The following ARHGEF3 variants were observed in gnomAD, a reference collection of about 807,000 sequenced individuals.
The protein encoded by ARHGEF3 is 59.8 kDA protein.
A neutral mutation model predicts 63.2 loss-of-function variants in ARHGEF3; 28 were observed. That is an observed-to-expected ratio of 0.44 (90% CI 0.33 to 0.61). ARHGEF3 has a LOEUF of 0.61. Ranked by LOEUF, ARHGEF3 falls within the 20% of genes least tolerant of loss-of-function variation. ARHGEF3 has a pLI of 0.03. For synonymous variants in ARHGEF3, 266 were observed against 254.2 expected (o/e 1.05, Z -0.44); for missense variants, 533 against 659.3 (o/e 0.81, Z 2.10).
intron 4 of ARHGEF3, among the ~76,000 whole-genome samples, chr3:56,829,602 CACAG>C (rs983141401): frequency 6.6e-6 from 1 of 152,204 alleles, no homozygotes; most frequent in Non-Finnish European, 1.5e-5. Context: ...TGCCAACCCC[CACAG>C]ACAGAGCTAT....
intron 4 of ARHGEF3, among the ~76,000 whole-genome samples, chr3:56,817,557 C>G (rs1451258065): frequency 1.3e-5 from 2 of 152,162 alleles, no homozygotes; most frequent in South Asian, 4.1e-4. Flanking sequence ...GAAGTTCACA[C>G]CTGAGTGCTG....
chr3:56,773,302 A>G lies in ARHGEF3; in HGVS notation c.204+407T>C, dbSNP rs9818044. Among the ~76,000 whole-genome samples, 1,374 of 152,288 alleles carry G rather than the reference A, an allele frequency of 9.0e-3. 16 individuals carry two copies. The highest frequency in any genetic ancestry group is 0.032 in the African/African-American group (1,320 of 41,542). Reference sequence around the variant, plus strand: ...TCAGGCTTAGCTTGTGAGCCATAAAAAAACAGGTGGTGAACTGGATTTTCT... The same window carrying G: ...TCAGGCTTAGCTTGTGAGCCATAAAGAAACAGGTGGTGAACTGGATTTTCT... On this transcript the variant is annotated intron_variant, in intron 2 of 9. Transcript: ENST00000296315.
intron 1 of ARHGEF3, among the ~76,000 whole-genome samples, chr3:57,045,215 T>G (rs1704399123): frequency 6.6e-6 from 1 of 152,200 alleles, no homozygotes; most frequent in African/African-American, 2.4e-5. Flanking sequence ...TAAAGTGGGC[T>G]GAGATCGCAC....
intron 1 of ARHGEF3, among the ~76,000 whole-genome samples, chr3:56,791,277 G>A (rs1160270367): frequency 1.3e-5 from 2 of 151,992 alleles, no homozygotes; most frequent in African/African-American, 2.4e-5. Flanking sequence ...GCCAGGCATG[G>A]TGGCACACGC....
At chr3:57,063,859 C>T (rs1258990271) in intron 1 of ARHGEF3, among the ~76,000 whole-genome samples, 1 of 152,228 alleles carries the variant, frequency 6.6e-6, no homozygotes, top group Non-Finnish European at 1.5e-5. Flanking sequence ...AATGGGATAG[C>T]AGCATCATTC....
chr3:56,822,511 T>C (rs115602049), intron 4 of ARHGEF3, among the ~76,000 whole-genome samples: 3,307 of 152,284 alleles, frequency 0.022, 42 homozygotes, highest in Non-Finnish European at 0.03. Flanking sequence ...TATATGTATA[T>C]ATATATGTGA....
At chr3:56,859,543 T>A (rs544060436) in intron 4 of ARHGEF3, among the ~76,000 whole-genome samples, 1 of 151,704 alleles carries the variant, frequency 6.6e-6, no homozygotes, top group African/African-American at 2.4e-5. Flanking sequence ...ACCTTTTTTT[T>A]TTTTGAGACA....
intron 2 of ARHGEF3, among the ~76,000 whole-genome samples, chr3:57,019,257 G>T (rs750443428): frequency 6.6e-6 from 1 of 152,190 alleles, no homozygotes; most frequent in Non-Finnish European, 1.5e-5. Context: ...CTCCCAGAGG[G>T]CTCTGTAGGT....
At chr3:56,770,082 C>T (rs1041500414) in intron 2 of ARHGEF3, among the ~76,000 whole-genome samples, 3 of 152,294 alleles carry the variant, frequency 2.0e-5, no homozygotes, top group African/African-American at 7.2e-5. Context: ...TTGGGGCCAG[C>T]TCTTCCCCCT....
intron 2 of ARHGEF3, among the ~76,000 whole-genome samples, chr3:57,021,241 C>T (rs1703244200): frequency 6.6e-6 from 1 of 152,130 alleles, no homozygotes; most frequent in Non-Finnish European, 1.5e-5. Flanking sequence ...AAAGAAAAAA[C>T]AAAAACAGAT....
At chr3:56,815,552 C>A (rs1169284942) in intron 4 of ARHGEF3, among the ~76,000 whole-genome samples, 6 of 152,094 alleles carry the variant, frequency 3.9e-5, no homozygotes, top group African/African-American at 1.4e-4. Flanking sequence ...CATATAGATT[C>A]TTTTAATATC....
In ARHGEF3 at chr3:56,737,272, A is replaced by G. The variant is rs2033691396; in HGVS notation, c.954T>C (p.Leu318=). 6.2e-7 allele frequency: 1 copy of G among 1,613,918 alleles called. No individual in the cohort carries two copies. The highest frequency in any genetic ancestry group is 8.5e-7 in the Non-Finnish European group (1 of 1,179,830). The part of the protein sequence containing the change: ...SECRYYKERL[L]YLEEGQKDSL... ...AGTCTTTCTGGCCTTCTTCCAAGTA[A>G]AGAAGCCGCTCTTTATAATAGCGGC... Residue 318 remains leucine (L), a synonymous_variant, in exon 8 of 10, where the codon CTT becomes CTC. Coordinates refer to ENST00000296315, the MANE Select transcript of ARHGEF3 (RefSeq NM_019555.3).
chr3:56,981,042 TCTGA>T (rs1304568958), intron 2 of ARHGEF3, among the ~76,000 whole-genome samples: 2 of 152,238 alleles, frequency 1.3e-5, no homozygotes, highest in African/African-American at 4.8e-5. Flanking sequence ...CCTGCAGACG[TCTGA>T]CTAACAGAAA....
intron 3 of ARHGEF3, among the ~76,000 whole-genome samples, chr3:56,901,021 G>A (rs2041486445): frequency 6.6e-6 from 1 of 152,202 alleles, no homozygotes; most frequent in African/African-American, 2.4e-5. Flanking sequence ...TTGGGTAGGG[G>A]TGGAAAGTGG....
chr3:57,074,846 C>T (rs1159880544), intron 1 of ARHGEF3: 1 of 168,408 alleles, frequency 5.9e-6, no homozygotes, highest in Non-Finnish European at 1.4e-5. Flanking sequence ...AGTTTCAGAA[C>T]ACATTGCTCA....
At chr3:56,742,205 T>C (rs1393428584) in intron 7 of ARHGEF3, among the ~76,000 whole-genome samples, 2 of 150,904 alleles carry the variant, frequency 1.3e-5, no homozygotes, top group African/African-American at 2.4e-5. Flanking sequence ...TGAGAAATAG[T>C]GGTGAGGTGG....
intron 4 of ARHGEF3, chr3:56,882,239 C>T (rs115867048): frequency 2.0e-4 from 304 of 1,493,854 alleles, no homozygotes; most frequent in Non-Finnish European, 2.7e-4. Flanking sequence ...AAATAACCTT[C>T]GGAGAAGAGA....
intron 2 of ARHGEF3, among the ~76,000 whole-genome samples, chr3:56,989,650 T>C (rs1701672674): frequency 6.6e-6 from 1 of 152,176 alleles, no homozygotes. Flanking sequence ...AGCACTCATC[T>C]GGCCTCTAGT....
At position 56,775,769 on chromosome 3, in the gene ARHGEF3, G is replaced by A. The variant is rs533317024; in HGVS notation, c.97-1953C>T. The A allele has an allele frequency of 5.1e-5, 34 of 664,048 alleles. No individual in the cohort carries two copies. In the East Asian group the frequency reaches 8.4e-4, roughly 16 times the overall value. The allele number at this position is 664,048 out of a possible 1,614,324, so 41.1% of individuals were successfully genotyped here. A position where few individuals can be genotyped will look rare whatever the true frequency, so the allele number is the denominator to read the frequency against. On this transcript the variant is annotated intron_variant, in intron 1 of 9. Transcript: ENST00000296315. ...TTTACGTCAGAGCTGCACCACTAGC[G>A]TACTGAATACACACACACACACACG...
Sources: gnomAD v4.1 joint callset for allele counts (sites outside exome capture counted in the v4.1 genomes callset) on GRCh38, gnomAD v4.1.1 for gene constraint, MANE v1.5 for transcripts, NCBI Gene and HGNC (gene_info 2026-07-23, HGNC 2026-07-21) for gene names.